Variants in GLDC observed in about 807,000 individuals in gnomAD.
The protein encoded by GLDC is glycine decarboxylase.
GLDC carries 104 observed loss-of-function variants against 121.3 expected under a neutral mutation model. The observed-to-expected ratio is 0.86, with a 90% CI of 0.73 to 1.01. The LOEUF is 1.01. Ranked by LOEUF, GLDC falls within the 50% of genes least tolerant of loss-of-function variation. GLDC has a pLI of 0.00. For missense variants in GLDC, 1,429 were observed against 1,306.6 expected (o/e 1.09, Z -1.44); for synonymous variants, 546 against 480.6 (o/e 1.14, Z -1.78).
chr9:6,604,782 G>A lies in GLDC; in HGVS notation c.864C>T (p.Ser288=). The part of the protein sequence containing the change: ...ELVERAHQSG[S]LACCATDLLA... Reference sequence around the variant, plus strand: ...AAAGGTCAGTAGCACAGCAGGCCAGGCTCTAGAAAGGAAGTGAGAGAAAAG... The same window carrying A: ...AAAGGTCAGTAGCACAGCAGGCCAGACTCTAGAAAGGAAGTGAGAGAAAAG... Residue 288 remains serine (S), a splice_region_variant and synonymous_variant, in exon 7 of 25, where the codon AGC becomes AGT. Transcript: ENST00000321612. 1.2e-6 allele frequency: 2 copies of A among 1,613,066 alleles called. No homozygotes were observed. Among genetic ancestry groups the A allele is most frequent in the South Asian group, 1.1e-5 (1 of 91,050 alleles).
At chr9:6,537,802 T>C (rs1817166023) in intron 22 of GLDC, among the ~76,000 whole-genome samples, 1 of 151,844 alleles carries the variant, frequency 6.6e-6, no homozygotes, top group Non-Finnish European at 1.5e-5. Flanking sequence ...AACACTAACA[T>C]CCAGATGAGT....
At chr9:6,611,720 T>C (rs1818861418) in intron 3 of GLDC, among the ~76,000 whole-genome samples, 2 of 152,226 alleles carry the variant, frequency 1.3e-5, no homozygotes, top group African/African-American at 4.8e-5. Flanking sequence ...TGTGCTGTGA[T>C]GAATTCTTTG....
At chr9:6,556,128 A>G (rs771652164) in intron 18 of GLDC, 25 bp downstream of exon 18, 1 of 1,596,862 alleles carries the variant, frequency 6.3e-7, no homozygotes, top group Non-Finnish European at 8.6e-7. Context: ...AGTGGGAACT[A>G]AGGGCGGGCC....
rs183252077 is a variant in GLDC at position 6,622,294 on chromosome 9, C to T, written c.335-1975G>A. ...TCTCCCTCTCCCTCTTTCCACGGGC[C>T]GAAGCTGGACTGTGCTGCTGCCATC... On this transcript the variant is annotated intron_variant, in intron 2 of 24. Coordinates refer to ENST00000321612, the MANE Select transcript of GLDC (RefSeq NM_000170.3). Among the ~76,000 whole-genome samples, 6 of 151,936 alleles carry T rather than the reference C, an allele frequency of 3.9e-5. 1 individual carries two copies. In the South Asian group the frequency reaches 6.3e-4, roughly 16 times the overall value.
At chr9:6,625,542 A>G (rs1388892287) in intron 2 of GLDC, among the ~76,000 whole-genome samples, 1 of 152,106 alleles carries the variant, frequency 6.6e-6, no homozygotes, top group Non-Finnish European at 1.5e-5. Context: ...CCTTCCTCAT[A>G]CCCAGCCCCA....
intron 7 of GLDC, among the ~76,000 whole-genome samples, chr9:6,603,705 G>A (rs892661908): frequency 6.6e-6 from 1 of 150,564 alleles, no homozygotes; most frequent in Non-Finnish European, 1.5e-5. Flanking sequence ...AATGCATCTA[G>A]GTCCCCCGCT....
At chr9:6,590,054 T>TAA (rs74342759) in intron 11 of GLDC, among the ~76,000 whole-genome samples, 1 of 143,084 alleles carries the variant, frequency 7.0e-6, no homozygotes, top group Non-Finnish European at 1.5e-5. Flanking sequence ...GACTCCATCT[T>TAA]AAAAAAAAAA....
At chr9:6,605,468 G>C (rs753334987) in intron 5 of GLDC, 190 bp from the exon 6 acceptor site, 363 of 648,022 alleles carry the variant, frequency 5.6e-4, no homozygotes, top group Non-Finnish European at 8.9e-4. Context: ...GCATCCAACA[G>C]CTCTGCTTCT....
chr9:6,534,585 C>G (rs888522038), intron 24 of GLDC, 123 bp downstream of exon 24: 4 of 688,408 alleles, frequency 5.8e-6, no homozygotes, highest in Non-Finnish European at 1.1e-5. Context: ...CTCTTCAAGA[C>G]CCTTATTTCA....
intron 21 of GLDC, among the ~76,000 whole-genome samples, chr9:6,550,177 C>T (rs1346371695): frequency 6.6e-6 from 1 of 152,234 alleles, no homozygotes; most frequent in African/African-American, 2.4e-5. Flanking sequence ...AGTTACTCTA[C>T]TCTTTCAAGG....
At chr9:6,577,837 A>T in intron 15 of GLDC, among the ~76,000 whole-genome samples, 1 of 149,506 alleles carries the variant, frequency 6.7e-6, no homozygotes. Flanking sequence ...TCGAATCCTG[A>T]TTCTTTCCTT....
chr9:6,612,253 T>TCACACACACACACA (rs111819532), intron 3 of GLDC, among the ~76,000 whole-genome samples: 7 of 150,002 alleles, frequency 4.7e-5, no homozygotes, highest in African/African-American at 1.5e-4. Flanking sequence ...TCTCTCTCTC[T>TCACACACACACACA]CACACACACT....
intron 22 of GLDC, among the ~76,000 whole-genome samples, chr9:6,539,251 G>T (rs1002493169): frequency 1.3e-5 from 2 of 152,136 alleles, no homozygotes; most frequent in South Asian, 4.1e-4. Context: ...GCCGAGGTGG[G>T]TGGATTGCCT....
Position 6,620,190 on chromosome 9 carries a change from G to C in GLDC, c.464C>G (p.Ser155Ter). 5 of 1,612,668 alleles carry C rather than the reference G, an allele frequency of 3.1e-6. No individual in the cohort carries two copies. The highest frequency in any genetic ancestry group is 4.2e-6 in the Non-Finnish European group (5 of 1,179,722). Residue 155 changes from serine to a stop codon, truncating the protein, a stop_gained, in exon 3 of 25, where the codon TCA becomes TGA. Transcript: ENST00000321612. LOFTEE classifies it high-confidence loss of function. ...GAACTGAGAAATACATTACCATCCT[G>C]AGTTCTCCAGTAAGTTCCGCAAAAT... ...QTILRNLLEN[S>*]GWITQYTPYQ... is the part of the protein sequence containing the mutation.
intron 21 of GLDC, among the ~76,000 whole-genome samples, chr9:6,547,334 C>A (rs1178115616): frequency 6.6e-6 from 1 of 152,042 alleles, no homozygotes; most frequent in East Asian, 1.9e-4. Flanking sequence ...ACACAGTTAC[C>A]CTGGATGGAC....
intron 7 of GLDC, among the ~76,000 whole-genome samples, chr9:6,604,228 T>C (rs1352348342): frequency 1.3e-5 from 2 of 152,200 alleles, no homozygotes; most frequent in East Asian, 3.8e-4. Context: ...GCAGTCTCAG[T>C]GCATTTGTCT....
intron 3 of GLDC, 75 bp downstream of exon 3, chr9:6,620,109 C>T: frequency 6.8e-7 from 1 of 1,466,150 alleles, no homozygotes; most frequent in Non-Finnish European, 9.5e-7. Flanking sequence ...TCTGAGACTG[C>T]AAGGGGACAG....
In GLDC at chr9:6,553,495, G is replaced by A; in HGVS notation, c.2330C>T (p.Ala777Val). 1 of 1,612,544 alleles carries A rather than the reference G, an allele frequency of 6.2e-7. No individual in the cohort carries two copies. The highest frequency in any genetic ancestry group is 8.5e-7 in the Non-Finnish European group (1 of 1,179,438). ...GACGGGATGATTGGGCAAAAACGGG[G>A]CGAGATGTTTCTTCCTGTATTTTTT... ...MGPIGVKKHL[A>V]PFLPNHPVIS... Residue 777 changes from alanine (A) to valine (V), a missense_variant, in exon 20 of 25, where the codon GCC becomes GTC. Physicochemically the swap from Ala to Val is moderately conservative, Grantham distance 64 (BLOSUM62 0). Transcript: ENST00000321612.
At chr9:6,552,110 A>G (rs1015142565) in intron 20 of GLDC, among the ~76,000 whole-genome samples, 1 of 152,200 alleles carries the variant, frequency 6.6e-6, no homozygotes, top group East Asian at 1.9e-4. Flanking sequence ...GCAGTCCTGT[A>G]GGTGCGCCTG....
Sources: gnomAD v4.1 joint callset for allele counts (sites outside exome capture counted in the v4.1 genomes callset) on GRCh38, gnomAD v4.1.1 for gene constraint, MANE v1.5 for transcripts, NCBI Gene and HGNC (gene_info 2026-07-23, HGNC 2026-07-21) for gene names.